PRNP: variants seen among roughly 807,000 people sequenced by gnomAD.
PRNP encodes the protein prion protein (Kanno blood group).
In PRNP, 15 loss-of-function variants were observed where a neutral mutation model predicts 21.3. The observed-to-expected ratio is 0.71, with a 90% CI of 0.47 to 1.09. The LOEUF is 1.09. Among genes scored for constraint, PRNP ranks in the 50% least tolerant of loss-of-function variants. PRNP has a pLI of 0.00. For missense variants in PRNP, 285 were observed against 340.9 expected (o/e 0.84, Z 1.29); for synonymous variants, 121 against 123.1 (o/e 0.98, Z 0.11).
chr20:4,700,149 A>G lies in PRNP; in HGVS notation c.*167A>G. On this transcript the variant is annotated 3_prime_UTR_variant, in exon 2 of 2. Coordinates refer to ENST00000379440, the MANE Select transcript of PRNP (RefSeq NM_000311.5). This position sits in a 1 kb window ranked among gnomAD's most constrained non-coding sequence, Gnocchi z 4.1. ...TGATGGGCACTGGAAAACATAGAGT[A>G]GACCTGAGATGCTGGTCAAGCCCCC... is the stretch of plus-strand genomic sequence containing the variant. The G allele has an allele frequency of 6.5e-7, 1 of 1,545,596 alleles. No individual in the cohort carries two copies. The highest frequency in any genetic ancestry group is 8.7e-7 in the Non-Finnish European group (1 of 1,143,556).
chr20:4,697,536 G>C lies in PRNP; in HGVS notation c.-10-1675G>C, dbSNP rs1394162768. Among the ~76,000 whole-genome samples, 1 of 152,240 alleles carries C rather than the reference G, an allele frequency of 6.6e-6. No homozygotes were observed. The highest frequency in any genetic ancestry group is 6.5e-5 in the Admixed American group (1 of 15,286). On this transcript the variant is annotated intron_variant, in intron 1 of 1. Coordinates refer to ENST00000379440, the MANE Select transcript of PRNP (RefSeq NM_000311.5). This position sits in a 1 kb window ranked among gnomAD's most constrained non-coding sequence, Gnocchi z 4.6. ...ACTTTAGCCACATGAGTAGCTGGAA[G>C]AAAAGCCTTCTAGGACCAGGGAACA...
chr20:4,700,325 T>TATCCAGGCAAA lies in PRNP; in HGVS notation c.*343_*344insATCCAGGCAAA. The TATCCAGGCAAA allele has an allele frequency of 2.1e-6, 1 of 482,564 alleles. No individual in the cohort carries two copies. Among genetic ancestry groups the TATCCAGGCAAA allele is most frequent in the Non-Finnish European group, 3.9e-6 (1 of 254,780 alleles). 29.9% of individuals were successfully genotyped at this position (482,564 alleles called of 1,614,324 possible). On this transcript the variant is annotated 3_prime_UTR_variant, in exon 2 of 2. Coordinates refer to ENST00000379440, the MANE Select transcript of PRNP (RefSeq NM_000311.5). The surrounding 1 kb of genome is among the most constrained non-coding windows in gnomAD (Gnocchi z 4.1). ...CAGAACAGTCTGAAATACCTTTGCCTGGATACCTCTGGCTCCTTCAGCAGC... is the reference window on the plus strand; with the variant it reads ...CAGAACAGTCTGAAATACCTTTGCCTATCCAGGCAAAGGATACCTCTGGCTCCTTCAGCAGC...
chr20:4,690,943 A>C (rs193022466), intron 1 of PRNP, among the ~76,000 whole-genome samples: 1 of 152,242 alleles, frequency 6.6e-6, no homozygotes. Context: ...CCAGAAAACC[A>C]TTAGAACTAA....
chr20:4,692,416 T>G (rs1921887028), intron 1 of PRNP, among the ~76,000 whole-genome samples: 1 of 152,202 alleles, frequency 6.6e-6, no homozygotes, highest in African/African-American at 2.4e-5. Context: ...TTTTTGAGAT[T>G]TTCCAGGTAA....
intron 1 of PRNP, among the ~76,000 whole-genome samples, chr20:4,691,623 T>C (rs8120718): frequency 0.048 from 7,249 of 152,300 alleles, 532 homozygotes; most frequent in African/African-American, 0.16. Context: ...CACTGTATCA[T>C]AGTAAATGAT....
chr20:4,695,570 C>A (rs1203208203), intron 1 of PRNP, among the ~76,000 whole-genome samples: 1 of 152,138 alleles, frequency 6.6e-6, no homozygotes, highest in Non-Finnish European at 1.5e-5. Context: ...AATGAACATA[C>A]ACGTGCATGT....
intron 1 of PRNP, among the ~76,000 whole-genome samples, chr20:4,695,653 T>C (rs1922121994): frequency 6.6e-6 from 1 of 152,228 alleles, no homozygotes; most frequent in African/African-American, 2.4e-5. Context: ...CGAATGATAT[T>C]TCCGTCTTTA....
At chr20:4,693,125 C>T (rs1410525259) in intron 1 of PRNP, among the ~76,000 whole-genome samples, 1 of 152,190 alleles carries the variant, frequency 6.6e-6, no homozygotes, top group Non-Finnish European at 1.5e-5. Context: ...CGCCATCTCC[C>T]TGGTTATGGA....
At position 4,700,113 on chromosome 20, in the gene PRNP, A is replaced by G. The variant is rs1308028792; in HGVS notation, c.*131A>G. The G allele has an allele frequency of 2.6e-6, 4 of 1,549,444 alleles. No homozygotes were observed. The highest frequency in any genetic ancestry group is 3.5e-6 in the Non-Finnish European group (4 of 1,146,666). ...CTTTGTCCCGGATAGGCTAATCAAT[A>G]CCCTTGGCACTGATGGGCACTGGAA... On this transcript the variant is annotated 3_prime_UTR_variant, in exon 2 of 2. Transcript: ENST00000379440. The surrounding 1 kb of genome is among the most constrained non-coding windows in gnomAD (Gnocchi z 4.1).
At chr20:4,687,924 C>T (rs1021390627) in intron 1 of PRNP, among the ~76,000 whole-genome samples, 1 of 152,004 alleles carries the variant, frequency 6.6e-6, no homozygotes, top group Non-Finnish European at 1.5e-5. Context: ...AAATCAACAA[C>T]GCTCTTAGAT....
chr20:4,699,762 A>G lies in PRNP; in HGVS notation c.542A>G (p.Asn181Ser), dbSNP rs547950774. 2 of 1,613,990 alleles carry G rather than the reference A, an allele frequency of 1.2e-6. No individual in the cohort carries two copies. The highest frequency in any genetic ancestry group is 1.7e-6 in the Non-Finnish European group (2 of 1,179,992). ...NQNNFVHDCV[N>S]ITIKQHTVTT... ...AACAACTTTGTGCACGACTGCGTCA[A>G]TATCACAATCAAGCAGCACACGGTC... is the stretch of plus-strand genomic sequence containing the variant. The change falls in exon 2 of 2, where the codon AAT becomes AGT. Residue 181 changes from asparagine to serine, a missense_variant. Physicochemically the swap from Asn to Ser is conservative, Grantham distance 46. Transcript: ENST00000379440. The surrounding 1 kb of genome is among the most constrained non-coding windows in gnomAD (Gnocchi z 5.8).
chr20:4,699,855 A>C lies in PRNP; in HGVS notation c.635A>C (p.Gln212Pro), dbSNP rs751882709. Residue 212 changes from glutamine (Q) to proline (P), a missense_variant, in exon 2 of 2, where the codon CAG (glutamine) becomes CCG (proline). By Grantham distance (76) the Gln-to-Pro change is moderately conservative. Transcript: ENST00000379440. The surrounding 1 kb of genome is among the most constrained non-coding windows in gnomAD (Gnocchi z 5.8). ...AAGATGATGGAGCGCGTGGTTGAGC[A>C]GATGTGTATCACCCAGTACGAGAGG... Reference protein sequence around the residue: ...DVKMMERVVEQMCITQYERES... With the variant: ...DVKMMERVVEPMCITQYERES... 55 of 1,613,464 alleles carry C rather than the reference A, an allele frequency of 3.4e-5. No individual in the cohort carries two copies. Among genetic ancestry groups the C allele is most frequent in the Non-Finnish European group, 4.2e-5 (50 of 1,179,964 alleles).
Position 4,700,325 on chromosome 20 carries a change from T to A in PRNP, c.*343T>A. ...CAGAACAGTCTGAAATACCTTTGCC[T>A]GGATACCTCTGGCTCCTTCAGCAGC... On this transcript the variant is annotated 3_prime_UTR_variant, in exon 2 of 2. Transcript: ENST00000379440. The surrounding 1 kb of genome is among the most constrained non-coding windows in gnomAD (Gnocchi z 4.1). 4.1e-6 allele frequency: 2 copies of A among 482,562 alleles called. No individual in the cohort carries two copies. The highest frequency in any genetic ancestry group is 7.8e-6 in the Non-Finnish European group (2 of 254,778). 29.9% of individuals were successfully genotyped at this position (482,562 alleles called of 1,614,324 possible).
chr20:4,701,558 A>G lies in PRNP; in HGVS notation c.*1576A>G, dbSNP rs1922614630. ...AAAAATTGTAAATGTTTAATATCTG[A>G]CTGAAATTAAACGAGCGAAGATGAG... On this transcript the variant is annotated 3_prime_UTR_variant, in exon 2 of 2. Coordinates refer to ENST00000379440, the MANE Select transcript of PRNP (RefSeq NM_000311.5). The surrounding 1 kb of genome is among the most constrained non-coding windows in gnomAD (Gnocchi z 4.2). 6.0e-6 allele frequency: 1 copy of G among 167,048 alleles called. No homozygotes were observed. Among genetic ancestry groups the G allele is most frequent in the Non-Finnish European group, 1.5e-5 (1 of 68,126 alleles). 10.3% of individuals were successfully genotyped at this position (167,048 alleles called of 1,614,324 possible). A position where few individuals can be genotyped will look rare whatever the true frequency, so the allele number is the denominator to read the frequency against.
chr20:4,701,412 T>G lies in PRNP; in HGVS notation c.*1430T>G, dbSNP rs1365596780. ...TTTTGCGTGGTCCTTAGGCTTACAA[T>G]GTGCACTGAATCGTTTCATGTAAGA... On this transcript the variant is annotated 3_prime_UTR_variant, in exon 2 of 2. Transcript: ENST00000379440. The surrounding 1 kb of genome is among the most constrained non-coding windows in gnomAD (Gnocchi z 4.2). 9 of 167,124 alleles carry G rather than the reference T, an allele frequency of 5.4e-5. No homozygotes were observed. The allele number at this position is 167,124 out of a possible 1,614,324, so 10.4% of individuals were successfully genotyped here. A position where few individuals can be genotyped will look rare whatever the true frequency, so the allele number is the denominator to read the frequency against.
At position 4,699,842 on chromosome 20, in the gene PRNP, C is replaced by T. The variant is rs55826236; in HGVS notation, c.622C>T (p.Arg208Cys). Residue 208 changes from arginine to cysteine, a missense_variant, in exon 2 of 2, where the codon CGC becomes TGC. Arg to Cys is a radical substitution (Grantham distance 180). Coordinates refer to ENST00000379440, the MANE Select transcript of PRNP (RefSeq NM_000311.5). This position sits in a 1 kb window ranked among gnomAD's most constrained non-coding sequence, Gnocchi z 5.8. The part of the protein sequence containing the change: ...FTETDVKMME[R>C]VVEQMCITQY... ...CGAGACCGACGTTAAGATGATGGAG[C>T]GCGTGGTTGAGCAGATGTGTATCAC... 9 of 1,613,696 alleles carry T rather than the reference C, an allele frequency of 5.6e-6. No individual in the cohort carries two copies. Among genetic ancestry groups the T allele is most frequent in the East Asian group, 2.2e-5 (1 of 44,850 alleles).
Position 4,699,776 on chromosome 20 carries a change from C to T in PRNP, c.556C>T (p.Gln186Ter), listed in dbSNP as rs1922457983. 1 of 1,613,922 alleles carries T rather than the reference C, an allele frequency of 6.2e-7. No homozygotes were observed. The highest frequency in any genetic ancestry group is 1.3e-5 in the African/African-American group (1 of 74,874). The change falls in exon 2 of 2, where the codon CAG becomes TAG. Residue 186 changes from glutamine (Q) to a stop codon, truncating the protein, a stop_gained. Transcript: ENST00000379440. LOFTEE classifies it high-confidence loss of function. The surrounding 1 kb of genome is among the most constrained non-coding windows in gnomAD (Gnocchi z 5.8). ...CGACTGCGTCAATATCACAATCAAGCAGCACACGGTCACCACAACCACCAA... is the reference window on the plus strand; with the variant it reads ...CGACTGCGTCAATATCACAATCAAGTAGCACACGGTCACCACAACCACCAA... ...VHDCVNITIK[Q>*]HTVTTTTKGE...
chr20:4,696,633 C>A (rs1922187366), intron 1 of PRNP, among the ~76,000 whole-genome samples: 2 of 152,206 alleles, frequency 1.3e-5, no homozygotes, highest in Admixed American at 1.3e-4. Context: ...TGGACAGCAC[C>A]TTGAGTCCCA....
intron 1 of PRNP, among the ~76,000 whole-genome samples, chr20:4,694,576 T>C (rs186508183): frequency 2.2e-4 from 34 of 152,364 alleles, no homozygotes; most frequent in African/African-American, 7.2e-4. Flanking sequence ...TGTGTGTATG[T>C]TACATTTTCA....
Sources: allele counts gnomAD v4.1 joint callset (sites outside exome capture counted in the v4.1 genomes callset), GRCh38; gene constraint gnomAD v4.1.1; non-coding constraint Gnocchi (gnomAD v3.1); transcripts MANE v1.5; gene names NCBI Gene and HGNC (gene_info 2026-07-23, HGNC 2026-07-21).